CCDC102A: variants seen among roughly 807,000 people sequenced by gnomAD.
CCDC102A encodes the protein coiled-coil domain containing 102A.
In CCDC102A, 40 loss-of-function variants were observed where a neutral mutation model predicts 55.5. The observed-to-expected ratio is 0.72, with a 90% confidence interval of 0.56 to 0.94. CCDC102A has a LOEUF of 0.94. Among genes scored for constraint, CCDC102A ranks in the 40% least tolerant of loss-of-function variants. CCDC102A has a pLI of 0.00. For missense variants in CCDC102A, 779 were observed against 768.6 expected, an observed-to-expected ratio of 1.01 and a Z score of -0.16; for synonymous variants, 323 against 339.0, an observed-to-expected ratio of 0.95 and a Z score of 0.52.
chr16:57,536,611 C>T (rs893457144), upstream of CCDC102A: 3 of 152,084 alleles, frequency 2.0e-5, no homozygotes, highest in East Asian at 1.9e-4. Flanking sequence ...CGCGGAGTCT[C>T]CTCCTCCCTC....
chr16:57,521,119 C>T lies in CCDC102A; in HGVS notation c.870G>A (p.Trp290Ter). The change falls in exon 4 of 9, where the codon TGG (tryptophan) becomes TGA (stop). Residue 290 changes from tryptophan (W) to a stop codon, truncating the protein, a stop_gained. Transcript: ENST00000258214. LOFTEE classifies it high-confidence loss of function. ...IEKLEGELSQ[W>*]KIKYEELSKT... is the part of the protein sequence containing the mutation. ...TGCTCAGCTCCTCATACTTGATCTT[C>T]CACTGGCTGAGCTCCCCCTCTAGCT... 1 of 1,613,738 alleles carries T rather than the reference C, an allele frequency of 6.2e-7. No individual in the cohort carries two copies. The highest frequency in any genetic ancestry group is 8.5e-7 in the Non-Finnish European group (1 of 1,180,010).
intron 4 of CCDC102A, among the ~76,000 whole-genome samples, chr16:57,519,937 G>A (rs562800855): frequency 5.3e-5 from 8 of 152,202 alleles, no homozygotes; most frequent in African/African-American, 1.7e-4. Flanking sequence ...GGGTGGCTGC[G>A]CCCTCTGGTG....
At chr16:57,514,986 T>A (rs865781071) in intron 8 of CCDC102A, among the ~76,000 whole-genome samples, 1 of 152,206 alleles carries the variant, frequency 6.6e-6, no homozygotes, top group Middle Eastern at 3.4e-3. Context: ...TGTCTTGGTG[T>A]CACCTGGGCC....
At chr16:57,515,806 C>T (rs1229508591) in intron 7 of CCDC102A, among the ~76,000 whole-genome samples, 1 of 151,252 alleles carries the variant, frequency 6.6e-6, no homozygotes, top group Non-Finnish European at 1.5e-5. Flanking sequence ...ATCTAATCAG[C>T]AGCCCATCTA....
In CCDC102A at chr16:57,515,453, G is replaced by A. The variant is rs767400998; in HGVS notation, c.1420-9C>T. On this transcript the variant is annotated splice_polypyrimidine_tract_variant and intron_variant, in intron 7 of 8. Transcript: ENST00000258214. ...TTGTGGGCCTCGTCCAGCTGTGGGG[G>A]TGAGCAGGGCCGAAAGCACGAGGGT... 6.3e-7 allele frequency: 1 copy of A among 1,585,456 alleles called. No homozygotes were observed.
chr16:57,521,448 C>T (rs1370473885), intron 3 of CCDC102A, among the ~76,000 whole-genome samples: 2 of 152,198 alleles, frequency 1.3e-5, no homozygotes, highest in Non-Finnish European at 2.9e-5. Flanking sequence ...CGGGCAAGTA[C>T]CTCTCTCCTG....
rs2032203554 is a variant in CCDC102A at position 57,529,115 on chromosome 16, C to T, written c.63G>A (p.Leu21=). The T allele has an allele frequency of 4.2e-6, 5 of 1,183,340 alleles. No individual in the cohort carries two copies. The highest frequency in any genetic ancestry group is 4.2e-6 in the Non-Finnish European group (4 of 956,586). 73.3% of individuals were successfully genotyped at this position (1,183,340 alleles called of 1,614,324 possible). A position where few individuals can be genotyped will look rare whatever the true frequency, so the allele number is the denominator to read the frequency against. The stretch of plus-strand genomic sequence containing the variant: ...CCGGCGACGGGCTGCCCAGGATGGT[C>T]AGGAGGCTGCCCTTGGACAGCTGCG... ...ESPQLSKGSL[L]TILGSPSPER... The change falls in exon 2 of 9, where the codon CTG becomes CTA. Residue 21 remains leucine, a synonymous_variant. Transcript: ENST00000258214. The surrounding 1 kb of genome is among the most constrained non-coding windows in gnomAD (Gnocchi z 4.1).
chr16:57,524,850 A>C (rs1212092446), intron 3 of CCDC102A, among the ~76,000 whole-genome samples: 1 of 152,196 alleles, frequency 6.6e-6, no homozygotes, highest in Non-Finnish European at 1.5e-5. Context: ...GGTGACCTCC[A>C]CATTCTAAAT....
chr16:57,524,594 TATAG>T (rs1406097722), intron 3 of CCDC102A, among the ~76,000 whole-genome samples: 2 of 146,182 alleles, frequency 1.4e-5, no homozygotes, highest in African/African-American at 5.2e-5. Flanking sequence ...TATATATATA[TATAG>T]AGAGAGAGAC....
intron 1 of CCDC102A, among the ~76,000 whole-genome samples, chr16:57,532,577 C>T (rs780426297): frequency 6.6e-6 from 1 of 152,140 alleles, no homozygotes; most frequent in African/African-American, 2.4e-5. Context: ...CACAACGACA[C>T]GGGTGCATGG....
chr16:57,526,414 G>A (rs551041094), intron 2 of CCDC102A, among the ~76,000 whole-genome samples: 1 of 152,322 alleles, frequency 6.6e-6, no homozygotes, highest in South Asian at 2.1e-4. Context: ...GCAAACCTAC[G>A]GCGGGGCACC....
At chr16:57,528,050 G>A (rs531280816) in intron 2 of CCDC102A, among the ~76,000 whole-genome samples, 2 of 152,284 alleles carry the variant, frequency 1.3e-5, no homozygotes, top group East Asian at 3.9e-4. Context: ...TGGGCTCAAG[G>A]GATCCTGCTG....
intron 8 of CCDC102A, among the ~76,000 whole-genome samples, chr16:57,514,160 C>T (rs2031914963): frequency 6.6e-6 from 1 of 152,208 alleles, no homozygotes; most frequent in East Asian, 1.9e-4. Context: ...GCAGCAGCTG[C>T]TGACAATCAC....
chr16:57,534,275 T>C (rs2032329886), intron 1 of CCDC102A, among the ~76,000 whole-genome samples: 1 of 152,154 alleles, frequency 6.6e-6, no homozygotes. Context: ...TTGTGCCACT[T>C]AGAGCTTCCA....
chr16:57,528,936 T>C lies in CCDC102A; in HGVS notation c.242A>G (p.Glu81Gly). The part of the protein sequence containing the change: ...SREELRLREL[E>G]EARARAAQME... ...CTGCGCCGCCCGCGCCCGCGCCTCC[T>C]CCAGCTCCCGCAGCCGCAGCTCCTC... The change falls in exon 2 of 9, where the codon GAG (glutamate) becomes GGG (glycine). Residue 81 changes from glutamate to glycine, a missense_variant. Coordinates refer to ENST00000258214, the MANE Select transcript of CCDC102A (RefSeq NM_033212.4). 7.2e-7 allele frequency: 1 copy of C among 1,392,850 alleles called. No individual in the cohort carries two copies. The highest frequency in any genetic ancestry group is 9.4e-7 in the Non-Finnish European group (1 of 1,062,316). 86.3% of individuals were successfully genotyped at this position (1,392,850 alleles called of 1,614,324 possible).
chr16:57,524,384 A>C (rs1345879053), intron 3 of CCDC102A, among the ~76,000 whole-genome samples: 5 of 152,148 alleles, frequency 3.3e-5, no homozygotes, highest in East Asian at 1.9e-4. Flanking sequence ...GGGCACTTGC[A>C]CTTGGATAGG....
Position 57,518,155 on chromosome 16 carries a change from C to T in CCDC102A, c.1161G>A (p.Glu387=), listed in dbSNP as rs748244717. 39 of 1,611,792 alleles carry T rather than the reference C, an allele frequency of 2.4e-5. 1 individual carries two copies. The highest frequency in any genetic ancestry group is 2.0e-4 in the Admixed American group (12 of 60,004). Reference sequence around the variant, plus strand: ...TTTGCCGCCGCCGCCGGGCCAGCGCCTCCTCCAGGTCTCCGACCTGTGCCC... The same window carrying T: ...TTTGCCGCCGCCGCCGGGCCAGCGCTTCCTCCAGGTCTCCGACCTGTGCCC... ...KLRAQVGDLE[E]ALARRRRQTA... The change falls in exon 6 of 9, where the codon GAG becomes GAA. Residue 387 remains glutamate, a synonymous_variant. Transcript: ENST00000258214.
At chr16:57,521,845 A>G (rs1375371394) in intron 3 of CCDC102A, among the ~76,000 whole-genome samples, 2 of 152,200 alleles carry the variant, frequency 1.3e-5, no homozygotes, top group Admixed American at 6.5e-5. Flanking sequence ...GCTGCCCTTC[A>G]TGACCCCACA....
In CCDC102A at chr16:57,525,989, T is replaced by G. The variant is rs1246018340; in HGVS notation, c.724A>C (p.Thr242Pro). ...GAGGCCTCCTCCTCCGTGGCAGCTG[T>G]GTCCTCCCAGGGTAGCCGGCTGCGC... ...QERSRLPWED[T>P]AATEEEASKL... The change falls in exon 3 of 9, where the codon ACA (threonine) becomes CCA (proline). Residue 242 changes from threonine (T) to proline (P), a missense_variant. Coordinates refer to ENST00000258214, the MANE Select transcript of CCDC102A (RefSeq NM_033212.4). 4 of 1,611,246 alleles carry G rather than the reference T, an allele frequency of 2.5e-6. No individual in the cohort carries two copies. In the South Asian group the frequency reaches 4.4e-5, roughly 18 times the overall value.
Sources: allele counts gnomAD v4.1 joint callset (sites outside exome capture counted in the v4.1 genomes callset), GRCh38; gene constraint gnomAD v4.1.1; non-coding constraint Gnocchi (gnomAD v3.1); transcripts MANE v1.5; gene names NCBI Gene and HGNC (gene_info 2026-07-23, HGNC 2026-07-21).